Variants in BTD observed in about 807,000 individuals in gnomAD.
BTD encodes biotinidase.
A neutral mutation model predicts 17.7 loss-of-function variants in BTD; 13 were observed. That is an observed-to-expected ratio of 0.74 (90% CI 0.48 to 1.17). The LOEUF (loss-of-function observed/expected upper bound fraction) is 1.17, where lower values mean the gene tolerates loss of function less well. Among genes scored for constraint, BTD ranks in the 50% most tolerant of loss-of-function variants. BTD has a pLI of 0.00. For synonymous variants in BTD, 240 were observed against 245.2 expected (o/e 0.98, Z 0.20); for missense variants, 674 against 650.4 (o/e 1.04, Z -0.39).
At chr3:15,607,935 C>A (rs1017645742) in intron 1 of BTD, among the ~76,000 whole-genome samples, 1 of 152,212 alleles carries the variant, frequency 6.6e-6, no homozygotes, top group Non-Finnish European at 1.5e-5. Flanking sequence ...AATTGATTTT[C>A]TTTGCTTCTC....
At chr3:15,669,183 A>G (rs1044993349) in intron 3 of BTD, 9 of 152,220 alleles carry the variant, frequency 5.9e-5, no homozygotes, top group Non-Finnish European at 1.3e-4. Context: ...GACTTTAGTG[A>G]TGCTTAATTT....
In BTD at chr3:15,678,419, C is replaced by A. The variant is rs1283589356; in HGVS notation, c.400-31641C>A. On this transcript the variant is annotated intron_variant, in intron 3 of 3. Coordinates refer to the BTD transcript ENST00000672141. ...ATGTTATATATGCTGGAAAAATATT[C>A]TTTAATTTGTGACATGCTGTTTTTA... 31 of 1,466,240 alleles carry A rather than the reference C, an allele frequency of 2.1e-5. 1 individual carries two copies. In the Admixed American group the frequency reaches 2.7e-4, roughly 13 times the overall value. The allele number at this position is 1,466,240 out of a possible 1,614,324, so 90.8% of individuals were successfully genotyped here.
intron 3 of BTD, among the ~76,000 whole-genome samples, chr3:15,687,699 T>G (rs2064093137): frequency 6.6e-6 from 1 of 151,760 alleles, no homozygotes; most frequent in South Asian, 2.1e-4. Flanking sequence ...AAATCACCTC[T>G]CCTACCCTAG....
intron 3 of BTD, among the ~76,000 whole-genome samples, chr3:15,693,873 C>T (rs529312700): frequency 2.5e-4 from 38 of 151,722 alleles, no homozygotes; most frequent in Non-Finnish European, 4.3e-4. Flanking sequence ...TTAAAACACC[C>T]GCAAGGAGAA....
chr3:15,659,143 G>A (rs1228470186), intron 3 of BTD, among the ~76,000 whole-genome samples: 1 of 152,144 alleles, frequency 6.6e-6, no homozygotes, highest in African/African-American at 2.4e-5. Flanking sequence ...CATCTCCAGG[G>A]CTCTATGGGC....
At chr3:15,638,693 C>T (rs964024315) in intron 2 of BTD, among the ~76,000 whole-genome samples, 2 of 152,188 alleles carry the variant, frequency 1.3e-5, no homozygotes, top group African/African-American at 4.8e-5. Flanking sequence ...TGAAAGGATG[C>T]ATCATTAGGC....
intron 3 of BTD, among the ~76,000 whole-genome samples, chr3:15,698,311 TC>T (rs2069992894): frequency 6.6e-6 from 1 of 152,140 alleles, no homozygotes; most frequent in South Asian, 2.1e-4. Flanking sequence ...CTGGAAGCAT[TC>T]CCTTTGAAAA....
intron 3 of BTD, chr3:15,642,268 A>G: frequency 2.1e-6 from 3 of 1,433,752 alleles, no homozygotes; most frequent in Non-Finnish European, 2.7e-6. Flanking sequence ...GGATCTTTCC[A>G]TTTATTAATT....
At chr3:15,696,311 G>A in intron 3 of BTD, 1 of 1,050,666 alleles carries the variant, frequency 9.5e-7, no homozygotes, top group East Asian at 2.7e-5. Context: ...GATAAAAAGA[G>A]ACTGAAATTA....
chr3:15,676,970 T>C, intron 3 of BTD: 1 of 1,610,482 alleles, frequency 6.2e-7, no homozygotes, highest in Non-Finnish European at 8.5e-7. Flanking sequence ...CTGACAGTAC[T>C]CACGTTTGCA....
In BTD at chr3:15,650,571, C is replaced by A. The variant is rs542522363; in HGVS notation, c.*5083C>A. On this transcript the variant is annotated 3_prime_UTR_variant, in exon 4 of 4. Coordinates refer to ENST00000643237, the MANE Select transcript of BTD (RefSeq NM_001370658.1). Reference sequence around the variant, plus strand: ...CACTCTACTCTGCACTCTTCTTTATCATTTTCTCCCACAGACAGACTCTCG... The same window carrying A: ...CACTCTACTCTGCACTCTTCTTTATAATTTTCTCCCACAGACAGACTCTCG... 6.6e-6 allele frequency among the ~76,000 whole-genome samples: 1 copy of A among 152,202 alleles called. No homozygotes were observed. The highest frequency in any genetic ancestry group is 1.5e-5 in the Non-Finnish European group (1 of 68,036).
At chr3:15,706,806 A>G (rs1024375234) in intron 3 of BTD, among the ~76,000 whole-genome samples, 2 of 152,048 alleles carry the variant, frequency 1.3e-5, no homozygotes, top group African/African-American at 4.8e-5. Context: ...ATGGTATCTC[A>G]CTGTGGTTTT....
At chr3:15,669,606 A>C (rs1014023147) in intron 3 of BTD, 3 of 152,192 alleles carry the variant, frequency 2.0e-5, no homozygotes, top group Non-Finnish European at 4.4e-5. Flanking sequence ...GTAAAAGAAA[A>C]AAATGTAAAA....
At chr3:15,626,390 A>G (rs1216574052) in intron 1 of BTD, among the ~76,000 whole-genome samples, 1 of 152,152 alleles carries the variant, frequency 6.6e-6, no homozygotes, top group African/African-American at 2.4e-5. Flanking sequence ...TGCACCTACA[A>G]CTATCATGGA....
intron 3 of BTD, among the ~76,000 whole-genome samples, chr3:15,707,598 A>T (rs889212350): frequency 3.9e-5 from 6 of 152,266 alleles, no homozygotes; most frequent in Non-Finnish European, 5.9e-5. Context: ...TTTCCCCATG[A>T]TATAGTCACG....
chr3:15,669,663 C>T (rs981174544), intron 3 of BTD: 3 of 151,994 alleles, frequency 2.0e-5, no homozygotes, highest in African/African-American at 7.3e-5. Context: ...GGAAGGCTTT[C>T]AGATGTTTTC....
chr3:15,614,062 A>T (rs2064716255), intron 1 of BTD, among the ~76,000 whole-genome samples: 1 of 145,688 alleles, frequency 6.9e-6, no homozygotes. Flanking sequence ...CACCTATTAT[A>T]CCTTCAAACA....
intron 1 of BTD, among the ~76,000 whole-genome samples, chr3:15,627,522 C>T (rs1159807501): frequency 6.6e-6 from 1 of 152,186 alleles, no homozygotes; most frequent in African/African-American, 2.4e-5. Context: ...GTTACTGTGC[C>T]TGGCCTCTCT....
chr3:15,689,067 T>C (rs2068481272), intron 3 of BTD, among the ~76,000 whole-genome samples: 1 of 152,236 alleles, frequency 6.6e-6, no homozygotes, highest in Admixed American at 6.5e-5. Context: ...TAAGTGATGA[T>C]AGTCTTGTTG....
Sources: gnomAD v4.1 joint callset for allele counts (sites outside exome capture counted in the v4.1 genomes callset) on GRCh38, gnomAD v4.1.1 for gene constraint, MANE v1.5 for transcripts, NCBI Gene and HGNC (gene_info 2026-07-23, HGNC 2026-07-21) for gene names.